SEZ6L2: variants seen among roughly 807,000 people sequenced by gnomAD.
SEZ6L2 encodes the protein seizure 6-like protein 2.
In SEZ6L2, 44 loss-of-function variants were observed where a neutral mutation model predicts 97.0. The ratio of observed to expected loss-of-function variants is 0.45; its 90% CI spans 0.36 to 0.58. The LOEUF is 0.58. Ranked by LOEUF, SEZ6L2 falls within the 20% of genes least tolerant of loss-of-function variation. The pLI, the probability that SEZ6L2 is intolerant of heterozygous loss-of-function variation, is 0.00. For synonymous variants in SEZ6L2, 543 were observed against 546.1 expected, an observed-to-expected ratio of 0.99 and a Z score of 0.08; for missense variants, 1,086 against 1,233.3, an observed-to-expected ratio of 0.88 and a Z score of 1.79.
chr16:29,881,275 A>C (rs114318550), intron 8 of SEZ6L2, among the ~76,000 whole-genome samples: 4,962 of 152,268 alleles, frequency 0.033, 271 homozygotes, highest in African/African-American at 0.11. Context: ...AAGGTCACAC[A>C]AAAGACAATG....
At chr16:29,874,550 GTTTTTTTTTTTTTTT>G (rs541095994) in intron 12 of SEZ6L2, among the ~76,000 whole-genome samples, 781 of 32,584 alleles carry the variant, frequency 0.024, 63 homozygotes, top group African/African-American at 0.06. Flanking sequence ...GTGTGTGCTT[GTTTTTTTTTTTTTTT>G]TTTTTTTTTT....
At position 29,896,959 on chromosome 16, in the gene SEZ6L2, G is replaced by A. The variant is rs772158440; in HGVS notation, c.374C>T (p.Pro125Leu). 3.1e-5 allele frequency: 49 copies of A among 1,595,270 alleles called. No homozygotes were observed. The highest frequency in any genetic ancestry group is 4.0e-5 in the Non-Finnish European group (47 of 1,172,520). ...AGPTAPELLTPPPGTTAPPPP... is the reference protein window; with the variant it reads ...AGPTAPELLTLPPGTTAPPPP... ...GGGTGGGGCTGTGGTTCCTGGGGGC[G>A]GGGTCAGCAGTTCTGGCGCAGTGGG... Residue 125 changes from proline (P) to leucine (L), a missense_variant, in exon 3 of 18, where the codon CCG becomes CTG. Physicochemically the swap from Pro to Leu is moderately conservative, Grantham distance 98. Coordinates refer to ENST00000617533, the MANE Select transcript of SEZ6L2 (RefSeq NM_001243332.2).
chr16:29,896,724 C>T, intron 3 of SEZ6L2, 98 bp downstream of exon 3: 1 of 1,015,644 alleles, frequency 9.8e-7, no homozygotes. Context: ...CATCTGTACC[C>T]AGGACTCCTT....
chr16:29,873,875 G>A lies in SEZ6L2; in HGVS notation c.2105-146C>T. On this transcript the variant is annotated intron_variant, in intron 12 of 17. Transcript: ENST00000617533. This position sits in a 1 kb window ranked among gnomAD's most constrained non-coding sequence, Gnocchi z 4.3. Reference sequence around the variant, plus strand: ...TGTGGTTCCAGCTACTCAGGAGTTGGAGGCGGGATGATCGCTCGAACCCAG... The same window carrying A: ...TGTGGTTCCAGCTACTCAGGAGTTGAAGGCGGGATGATCGCTCGAACCCAG... 2.8e-6 allele frequency: 2 copies of A among 725,304 alleles called. No individual in the cohort carries two copies. The highest frequency in any genetic ancestry group is 3.8e-5 in the South Asian group (2 of 52,526). 44.9% of individuals were successfully genotyped at this position (725,304 alleles called of 1,614,324 possible). A position where few individuals can be genotyped will look rare whatever the true frequency, so the allele number is the denominator to read the frequency against.
At chr16:29,889,503 T>C (rs1364593749) in intron 5 of SEZ6L2, among the ~76,000 whole-genome samples, 3 of 151,796 alleles carry the variant, frequency 2.0e-5, no homozygotes, top group Non-Finnish European at 4.4e-5. Flanking sequence ...AGTTATTAAA[T>C]GTCTCTTTTG....
Position 29,897,064 on chromosome 16 carries a change from G to T in SEZ6L2, c.269C>A (p.Pro90His). The change falls in exon 3 of 18, where the codon CCC (proline) becomes CAC (histidine). Residue 90 changes from proline to histidine, a missense_variant. Transcript: ENST00000617533. ...TPPAGQTLAV[P>H]SLPRATEPGT... ...CGGCTCAGTGGCCCGTGGCAGGGAG[G>T]GCACTGCGAGAGTCTGGCCGGCCGG... 6.3e-7 allele frequency: 1 copy of T among 1,581,460 alleles called. No individual in the cohort carries two copies. The highest frequency in any genetic ancestry group is 8.5e-7 in the Non-Finnish European group (1 of 1,171,602).
chr16:29,882,474 G>C (rs2068050115), intron 8 of SEZ6L2, among the ~76,000 whole-genome samples: 1 of 151,762 alleles, frequency 6.6e-6, no homozygotes, highest in African/African-American at 2.4e-5. Context: ...CTACTCAGAA[G>C]GCTGAGGCAG....
Position 29,871,455 on chromosome 16 carries a change from A to G in SEZ6L2, c.*244T>C. 1.7e-6 allele frequency: 1 copy of G among 587,152 alleles called. No individual in the cohort carries two copies. The highest frequency in any genetic ancestry group is 3.0e-6 in the Non-Finnish European group (1 of 328,998). The allele number at this position is 587,152 out of a possible 1,614,324, so 36.4% of individuals were successfully genotyped here. On this transcript the variant is annotated 3_prime_UTR_variant, in exon 18 of 18. Transcript: ENST00000617533. ...CAGAGTTCCCCTCCCAGAATCCAAA[A>G]GCCGGTAGGGCGGGGGGCAGGCCCC... is the stretch of plus-strand genomic sequence containing the variant.
rs60058887 is a variant in SEZ6L2 at position 29,872,364 on chromosome 16, G to A, written c.2645+45C>T. The A allele has an allele frequency of 0.012, 19,429 of 1,605,650 alleles. 1,770 individuals carry two copies. The African/African-American group carries it at 0.21, about 17-fold the overall frequency. Reference sequence around the variant, plus strand: ...TGACCCAGGCTCCAGTGCCAGGCTCGCAAGACGTCTGCCCTGGCCGGCAGT... The same window carrying A: ...TGACCCAGGCTCCAGTGCCAGGCTCACAAGACGTCTGCCCTGGCCGGCAGT... On this transcript the variant is annotated intron_variant, in intron 16 of 17. Coordinates refer to ENST00000617533, the MANE Select transcript of SEZ6L2 (RefSeq NM_001243332.2).
At chr16:29,893,533 G>A (rs1346482326) in intron 5 of SEZ6L2, among the ~76,000 whole-genome samples, 1 of 151,314 alleles carries the variant, frequency 6.6e-6, no homozygotes, top group Non-Finnish European at 1.5e-5. Flanking sequence ...TGTAATCCCA[G>A]ATACTGGGGA....
At chr16:29,893,616 C>G (rs773316520) in intron 5 of SEZ6L2, among the ~76,000 whole-genome samples, 17 of 150,818 alleles carry the variant, frequency 1.1e-4, no homozygotes, top group Non-Finnish European at 1.5e-4. Flanking sequence ...CCACTGCACT[C>G]CAGCCTGGGC....
chr16:29,884,351 G>T (rs963659353), intron 8 of SEZ6L2, among the ~76,000 whole-genome samples: 1 of 152,084 alleles, frequency 6.6e-6, no homozygotes, highest in Admixed American at 6.6e-5. Flanking sequence ...TGGCACTTTG[G>T]GAGTCCCACA....
rs1313621325 is a variant in SEZ6L2, at chr16:29,877,437, C to T, written c.1743G>A (p.Thr581=). The change falls in exon 11 of 18, where the codon ACG becomes ACA. Residue 581 remains threonine, a synonymous_variant. Coordinates refer to ENST00000617533, the MANE Select transcript of SEZ6L2 (RefSeq NM_001243332.2). ...ILNVREGDML[T]LFDGDGPSAR... is the part of the protein sequence containing the mutation. The stretch of plus-strand genomic sequence containing the variant: ...CGCTGGGACCGTCCCCGTCGAACAG[C>T]GTCAGCATGTCCCCTTCCCGCACAT... 1 of 1,606,892 alleles carries T rather than the reference C, an allele frequency of 6.2e-7. No homozygotes were observed.
In SEZ6L2 at chr16:29,888,715, C is replaced by A; in HGVS notation, c.864G>T (p.Leu288=). 1 of 1,612,376 alleles carries A rather than the reference C, an allele frequency of 6.2e-7. No individual in the cohort carries two copies. The highest frequency in any genetic ancestry group is 8.5e-7 in the Non-Finnish European group (1 of 1,179,422). ...GFRIHYQAYL[L]SCGFPPRPAH... Reference sequence around the variant, plus strand: ...CCGGCCGGGGAGGGAAGCCACAGCTCAGGAGGTAGGCTGCACCAGACAGAC... The same window carrying A: ...CCGGCCGGGGAGGGAAGCCACAGCTAAGGAGGTAGGCTGCACCAGACAGAC... The change falls in exon 6 of 18, where the codon CTG becomes CTT. Residue 288 remains leucine, a synonymous_variant. Coordinates refer to ENST00000617533, the MANE Select transcript of SEZ6L2 (RefSeq NM_001243332.2).
chr16:29,899,106 A>AT lies in SEZ6L2; in HGVS notation c.-88_-87insA. The AT allele has an allele frequency of 1.2e-6, 1 of 805,976 alleles. No homozygotes were observed. The allele number at this position is 805,976 out of a possible 1,614,324, so 49.9% of individuals were successfully genotyped here. ...TCCGTCTCCGTTTATCTTTCCCTTT[A>AT]ATTGTTTTTTTTTTTTTTTTTTTTT... On this transcript the variant is annotated 5_prime_UTR_variant, in exon 1 of 18. Transcript: ENST00000617533.
intron 5 of SEZ6L2, among the ~76,000 whole-genome samples, chr16:29,892,978 C>T (rs965742956): frequency 1.3e-5 from 2 of 152,200 alleles, no homozygotes; most frequent in African/African-American, 4.8e-5. Context: ...TTCCTGCCCC[C>T]AGAAGTCAGA....
chr16:29,896,227 TCAC>T (rs1168783934), intron 3 of SEZ6L2, among the ~76,000 whole-genome samples: 1 of 152,094 alleles, frequency 6.6e-6, no homozygotes, highest in Non-Finnish European at 1.5e-5. Flanking sequence ...GCCTCCCAAA[TCAC>T]TGGGATTACA....
intron 12 of SEZ6L2, among the ~76,000 whole-genome samples, chr16:29,875,724 A>G (rs1461005820): frequency 2.9e-5 from 4 of 137,628 alleles, no homozygotes; most frequent in Non-Finnish European, 4.5e-5. Flanking sequence ...ATGCAATGGC[A>G]CAATCTCAGC....
rs1387654962 is a variant in SEZ6L2 at position 29,885,722 on chromosome 16, G to A, written c.1236C>T (p.Pro412=). 1.1e-5 allele frequency: 17 copies of A among 1,612,956 alleles called. No homozygotes were observed. Among genetic ancestry groups the A allele is most frequent in the Non-Finnish European group, 1.4e-5 (17 of 1,179,436 alleles). Residue 412 remains proline, a synonymous_variant, in exon 8 of 18, where the codon CCC becomes CCT. Transcript: ENST00000617533. ...CCGAATCATAGATCACGGGGGATAG[G>A]GGGCTGCCCCCTGAGCGCACCATCA... ...DRLMVRSGGS[P]LSPVIYDSDM...
Sources: gnomAD v4.1 joint callset for allele counts (sites outside exome capture counted in the v4.1 genomes callset) on GRCh38, gnomAD v4.1.1 for gene constraint, Gnocchi (gnomAD v3.1) non-coding constraint, MANE v1.5 for transcripts, NCBI Gene and HGNC (gene_info 2026-07-23, HGNC 2026-07-21) for gene names.